The following ERG variants were observed in gnomAD, a reference collection of about 807,000 sequenced individuals.
The protein encoded by ERG is ETS transcription factor ERG, also known as transcriptional regulator ERG.
A neutral mutation model predicts 55.3 loss-of-function variants in ERG; 9 were observed. The ratio of observed to expected loss-of-function variants is 0.16; its 90% confidence interval spans 0.10 to 0.28. The LOEUF (loss-of-function observed/expected upper bound fraction) is 0.28, where lower values mean the gene tolerates loss of function less well. Ranked by LOEUF, ERG falls within the 10% of genes least tolerant of loss-of-function variation. ERG has a pLI of 1.00. For missense variants in ERG, 434 were observed against 631.6 expected (o/e 0.69, Z 3.35); for synonymous variants, 223 against 237.3 (o/e 0.94, Z 0.55).
chr21:38,599,425 A>C (rs2060151068), intron 1 of ERG, among the ~76,000 whole-genome samples: 1 of 152,182 alleles, frequency 6.6e-6, no homozygotes, highest in South Asian at 2.1e-4. Context: ...TTCCATGAAC[A>C]AGGGGCAGCT....
chr21:38,393,748 T>C (rs1988081371), intron 6 of ERG, among the ~76,000 whole-genome samples: 1 of 152,226 alleles, frequency 6.6e-6, no homozygotes, highest in African/African-American at 2.4e-5. Context: ...ATCTCCTTAA[T>C]GTATTTGGTC....
At chr21:38,394,200 A>G (rs1483017020) in intron 6 of ERG, among the ~76,000 whole-genome samples, 1 of 152,188 alleles carries the variant, frequency 6.6e-6, no homozygotes, top group Non-Finnish European at 1.5e-5. Context: ...AATGAAAAAA[A>G]GCAAGATAAT....
At chr21:38,428,664 T>C (rs1989958342) in intron 2 of ERG, among the ~76,000 whole-genome samples, 1 of 152,174 alleles carries the variant, frequency 6.6e-6, no homozygotes, top group Non-Finnish European at 1.5e-5. Flanking sequence ...CTTTTAAACA[T>C]ACACATACTT....
chr21:38,556,083 T>C (rs1348254886), intron 2 of ERG, among the ~76,000 whole-genome samples: 1 of 151,876 alleles, frequency 6.6e-6, no homozygotes, highest in African/African-American at 2.4e-5. Context: ...AGAATATACA[T>C]AGGATGAAAT....
intron 1 of ERG, among the ~76,000 whole-genome samples, chr21:38,591,520 T>C (rs138686858): frequency 0.013 from 1,912 of 152,042 alleles, 35 homozygotes; most frequent in African/African-American, 0.043. Context: ...GGTGAAACCT[T>C]ATCTCTACTA....
At chr21:38,491,549 G>A (rs2059336296) in intron 1 of ERG, among the ~76,000 whole-genome samples, 1 of 152,222 alleles carries the variant, frequency 6.6e-6, no homozygotes, top group Admixed American at 6.5e-5. Flanking sequence ...ACAGCCCTGA[G>A]GTTAATGTTA....
intron 2 of ERG, among the ~76,000 whole-genome samples, chr21:38,539,697 C>A (rs1568895339): frequency 6.6e-6 from 1 of 152,034 alleles, no homozygotes; most frequent in Admixed American, 6.6e-5. Context: ...CTCCTCTGCC[C>A]ACCTTGTTTT....
intron 1 of ERG, among the ~76,000 whole-genome samples, chr21:38,637,436 G>A (rs1464459896): frequency 6.6e-6 from 1 of 152,168 alleles, no homozygotes; most frequent in African/African-American, 2.4e-5. Context: ...GTGGTGAAAT[G>A]AGTGATCACG....
At chr21:38,446,330 T>C (rs1468033831) in intron 1 of ERG, among the ~76,000 whole-genome samples, 1 of 151,662 alleles carries the variant, frequency 6.6e-6, no homozygotes, top group Non-Finnish European at 1.5e-5. Flanking sequence ...TTTTTTCCCC[T>C]TACTTTCAAT....
chr21:38,417,526 C>A (rs534038657), intron 3 of ERG, among the ~76,000 whole-genome samples: 2 of 152,206 alleles, frequency 1.3e-5, no homozygotes, highest in Non-Finnish European at 2.9e-5. Context: ...CGGTGGCTCA[C>A]GCCTGTAATC....
chr21:38,631,154 A>T (rs1470840256), intron 1 of ERG, among the ~76,000 whole-genome samples: 1 of 152,126 alleles, frequency 6.6e-6, no homozygotes, highest in South Asian at 2.1e-4. Flanking sequence ...GGAGTTGACC[A>T]CACACCCTCT....
chr21:38,494,302 C>T (rs78357185), intron 1 of ERG, among the ~76,000 whole-genome samples: 52 of 152,342 alleles, frequency 3.4e-4, no homozygotes, highest in East Asian at 3.3e-3. Flanking sequence ...TGCTACCAAA[C>T]GCTGGAACAG....
At chr21:38,655,121 T>C (rs2060511087) in intron 1 of ERG, among the ~76,000 whole-genome samples, 2 of 152,212 alleles carry the variant, frequency 1.3e-5, no homozygotes, top group African/African-American at 4.8e-5. Flanking sequence ...TTATTATTTA[T>C]ACTCTGCTTA....
At chr21:38,412,486 C>G (rs897904711) in intron 3 of ERG, among the ~76,000 whole-genome samples, 1 of 152,046 alleles carries the variant, frequency 6.6e-6, no homozygotes, top group Non-Finnish European at 1.5e-5. Flanking sequence ...TTTTCTACTC[C>G]CTACTTAGGG....
At chr21:38,495,004 G>A (rs868778339) in intron 1 of ERG, among the ~76,000 whole-genome samples, 5 of 152,254 alleles carry the variant, frequency 3.3e-5, no homozygotes, top group Non-Finnish European at 7.3e-5. Context: ...GCAGGGCAGC[G>A]GCATTTTGCC....
chr21:38,414,652 C>T (rs1326873353), intron 3 of ERG, among the ~76,000 whole-genome samples: 1 of 152,150 alleles, frequency 6.6e-6, no homozygotes, highest in African/African-American at 2.4e-5. Flanking sequence ...GATTAAGTAG[C>T]TTCCCAGATC....
chr21:38,516,111 T>C (rs938787677), intron 2 of ERG, among the ~76,000 whole-genome samples: 1 of 152,050 alleles, frequency 6.6e-6, no homozygotes, highest in African/African-American at 2.4e-5. Flanking sequence ...CTATTCAATA[T>C]AGGACTGGAA....
intron 1 of ERG, among the ~76,000 whole-genome samples, chr21:38,584,279 T>C (rs1245314363): frequency 2.0e-5 from 3 of 152,238 alleles, no homozygotes; most frequent in Admixed American, 6.5e-5. Flanking sequence ...CTCATGGGCA[T>C]GCCTTAGAGA....
At chr21:38,632,258 A>G (rs540016014) in intron 1 of ERG, among the ~76,000 whole-genome samples, 2 of 152,346 alleles carry the variant, frequency 1.3e-5, no homozygotes, top group South Asian at 2.1e-4. Flanking sequence ...GTCTACAAGC[A>G]TATGAAAAGA....
Sources: gnomAD v4.1 joint callset for allele counts (sites outside exome capture counted in the v4.1 genomes callset) on GRCh38, gnomAD v4.1.1 for gene constraint, MANE v1.5 for transcripts, NCBI Gene and HGNC (gene_info 2026-07-23, HGNC 2026-07-21) for gene names.